Variants in STRIP1 observed in about 807,000 individuals in gnomAD.
STRIP1 encodes striatin-interacting protein 1.
In STRIP1, 63 loss-of-function variants were observed where a neutral mutation model predicts 106.2. The observed-to-expected ratio is 0.59, with a 90% confidence interval of 0.48 to 0.73. The LOEUF is 0.73. Ranked by LOEUF, STRIP1 falls within the 30% of genes least tolerant of loss-of-function variation. The pLI, the probability that STRIP1 is intolerant of heterozygous loss-of-function variation, is 0.00. For missense variants in STRIP1, 857 were observed against 1,074.8 expected, an observed-to-expected ratio of 0.80 and a Z score of 2.83; for synonymous variants, 390 against 413.0, an observed-to-expected ratio of 0.94 and a Z score of 0.67.
chr1:110,040,060 T>G (rs1399771804), intron 5 of STRIP1: 4 of 471,046 alleles, frequency 8.5e-6, no homozygotes, highest in Non-Finnish European at 1.6e-5. Flanking sequence ...GTTAAGGATA[T>G]AGGTACTACT....
At chr1:110,034,843 C>T (rs1652361218) in intron 1 of STRIP1, 26 bp downstream of exon 1, 29 of 1,373,848 alleles carry the variant, frequency 2.1e-5, no homozygotes, top group Non-Finnish European at 2.6e-5. Context: ...GGGCGAGGCT[C>T]GCACCGGGTC....
chr1:110,049,426 CTTT>C (rs529172763), intron 16 of STRIP1, 31 bp from the exon 17 acceptor site: 11,274 of 1,285,008 alleles, frequency 8.8e-3, no homozygotes, highest in Non-Finnish European at 9.4e-3. Flanking sequence ...AGGGCCGCGC[CTTT>C]TTTTTTTTTT....
upstream of STRIP1, among the ~76,000 whole-genome samples, chr1:110,034,428 C>T (rs373423235): frequency 6.6e-6 from 1 of 152,154 alleles, no homozygotes; most frequent in South Asian, 2.1e-4. Flanking sequence ...TACATCTAAA[C>T]TGAAACTGAA....
At chr1:110,043,382 C>A in intron 9 of STRIP1, 112 bp downstream of exon 9, 2 of 1,154,084 alleles carry the variant, frequency 1.7e-6, no homozygotes, top group South Asian at 1.4e-5. Context: ...ATCAGCCAGT[C>A]AGAATCATGC....
At chr1:110,034,917 C>T (rs899184114) in intron 1 of STRIP1, 100 bp downstream of exon 1, 19 of 1,185,350 alleles carry the variant, frequency 1.6e-5, no homozygotes, top group East Asian at 3.2e-5. Flanking sequence ...TCCCGGAGGG[C>T]TCGGTAGAGT....
At chr1:110,045,918 C>A (rs2101778188) in intron 12 of STRIP1, among the ~76,000 whole-genome samples, 1 of 152,314 alleles carries the variant, frequency 6.6e-6, no homozygotes, top group South Asian at 2.1e-4. Flanking sequence ...GGGTGTTTCG[C>A]AAACCCCTGT....
chr1:110,050,280 G>C (rs1306620740), intron 17 of STRIP1, 63 bp from the exon 18 acceptor site: 1 of 1,548,132 alleles, frequency 6.5e-7, no homozygotes, highest in African/African-American at 1.4e-5. Flanking sequence ...CTCAGGCACG[G>C]CTGCTCCACC....
In STRIP1 at chr1:110,053,735, C is replaced by T. The variant is rs770752382; in HGVS notation, c.2337C>T (p.Asn779=). The change falls in exon 21 of 21, where the codon AAC becomes AAT. Residue 779 remains asparagine, a synonymous_variant. Transcript: ENST00000369795. The part of the protein sequence containing the change: ...CALRANIERF[N]ARRYDRAHSN... The stretch of plus-strand genomic sequence containing the variant: ...TTCGTGCCAACATTGAACGCTTCAA[C>T]GCCCGGCGCTATGACCGGGCCCACA... 28 of 1,614,018 alleles carry T rather than the reference C, an allele frequency of 1.7e-5. No individual in the cohort carries two copies. In the East Asian group the frequency reaches 2.7e-4, roughly 15 times the overall value.
chr1:110,049,282 G>C lies in STRIP1; in HGVS notation c.1788+44G>C, dbSNP rs751606175. 16 of 1,612,800 alleles carry C rather than the reference G, an allele frequency of 9.9e-6. No homozygotes were observed. The South Asian group carries it at 1.5e-4, about 16-fold the overall frequency. ...CTCCTGTCCTGTGGGCTGGGGCCTCGGGCACTGCTGCTCCTCCAGCCCACA... is the reference window on the plus strand; with the variant it reads ...CTCCTGTCCTGTGGGCTGGGGCCTCCGGCACTGCTGCTCCTCCAGCCCACA... On this transcript the variant is annotated intron_variant, in intron 16 of 20. Coordinates refer to ENST00000369795, the MANE Select transcript of STRIP1 (RefSeq NM_033088.4).
At chr1:110,044,011 C>T (rs1331462066) in intron 10 of STRIP1, among the ~76,000 whole-genome samples, 155 bp downstream of exon 10, 1 of 152,260 alleles carries the variant, frequency 6.6e-6, no homozygotes, top group Non-Finnish European at 1.5e-5. Context: ...CCTGTGCTGT[C>T]CTGAGGGTCT....
intron 5 of STRIP1, 200 bp downstream of exon 5, chr1:110,039,715 C>T: frequency 4.0e-6 from 4 of 1,003,074 alleles, no homozygotes; most frequent in South Asian, 1.5e-5. Context: ...CAGGTCCCTG[C>T]AGCTCCCTGA....
At position 110,034,772 on chromosome 1, in the gene STRIP1, G is replaced by A. The variant is rs1652355768; in HGVS notation, c.135G>A (p.Gly45=). ...GGGCCGCCGCGGGCCTCCTGCCTGG[G>A]GGCAAAGCCCGCGAGTTCAACCGCA... ...APRAAAGLLP[G]GKAREFNRNQ... Residue 45 remains glycine (G), a synonymous_variant, in exon 1 of 21, where the codon GGG becomes GGA. Transcript: ENST00000369795. 4 of 1,437,414 alleles carry A rather than the reference G, an allele frequency of 2.8e-6. No individual in the cohort carries two copies. Among genetic ancestry groups the A allele is most frequent in the Non-Finnish European group, 3.6e-6 (4 of 1,102,102 alleles). 89.0% of individuals were successfully genotyped at this position (1,437,414 alleles called of 1,614,324 possible).
At chr1:110,046,053 C>G (rs1653005240) in intron 12 of STRIP1, among the ~76,000 whole-genome samples, 2 of 152,324 alleles carry the variant, frequency 1.3e-5, no homozygotes, top group South Asian at 4.1e-4. Context: ...AGTGGTCTCT[C>G]TGCAGCTAGG....
At chr1:110,039,900 G>A (rs1453764694) in intron 5 of STRIP1, 5 of 1,293,916 alleles carry the variant, frequency 3.9e-6, no homozygotes, top group Non-Finnish European at 4.0e-6. Flanking sequence ...CTCAACCAGT[G>A]CCTGGCCTTG....
At chr1:110,040,214 T>G (rs951292423) in intron 5 of STRIP1, among the ~76,000 whole-genome samples, 88 of 152,226 alleles carry the variant, frequency 5.8e-4, no homozygotes, top group African/African-American at 2.1e-3. Flanking sequence ...GAGAGTCTTG[T>G]TCTGTTGCCC....
At chr1:110,045,115 C>T (rs1652957471) in intron 12 of STRIP1, 37 bp downstream of exon 12, 1 of 1,598,008 alleles carries the variant, frequency 6.3e-7, no homozygotes, top group Non-Finnish European at 8.6e-7. Flanking sequence ...CTTGTTTGGT[C>T]CTAAGTGAGT....
chr1:110,047,006 C>T (rs983965330), intron 13 of STRIP1, among the ~76,000 whole-genome samples: 1 of 151,908 alleles, frequency 6.6e-6, no homozygotes. Context: ...GCCGAGATAG[C>T]GCCACTGCAC....
intron 20 of STRIP1, among the ~76,000 whole-genome samples, chr1:110,052,808 C>T (rs1391726473): frequency 6.6e-6 from 1 of 152,154 alleles, no homozygotes; most frequent in African/African-American, 2.4e-5. Context: ...TCAAGCGATC[C>T]ACCAGCCTCG....
chr1:110,042,275 G>A (rs947413221), intron 8 of STRIP1, among the ~76,000 whole-genome samples: 1 of 152,180 alleles, frequency 6.6e-6, no homozygotes, highest in African/African-American at 2.4e-5. Flanking sequence ...TTTTCTTCAG[G>A]GTATGGTGTC....
Sources: gnomAD v4.1 joint callset for allele counts (sites outside exome capture counted in the v4.1 genomes callset) on GRCh38, gnomAD v4.1.1 for gene constraint, MANE v1.5 for transcripts, NCBI Gene and HGNC (gene_info 2026-07-23, HGNC 2026-07-21) for gene names.